XRCC4: variants seen among roughly 807,000 people sequenced by gnomAD.
The protein encoded by XRCC4 is DNA repair protein XRCC4.
Under a neutral mutation model 39.1 loss-of-function variants are expected in XRCC4, and 28 were observed. That is an observed-to-expected ratio of 0.72 (90% CI 0.53 to 0.98). The LOEUF (loss-of-function observed/expected upper bound fraction) is 0.98. XRCC4 is among the 50% of genes least tolerant of loss of function. The pLI is 0.00. For synonymous variants in XRCC4, 123 were observed against 126.4 expected, an observed-to-expected ratio of 0.97 and a Z score of 0.18; for missense variants, 350 against 376.4, an observed-to-expected ratio of 0.93 and a Z score of 0.58.
At chr5:83,237,296 C>T (rs528324535) in intron 6 of XRCC4, among the ~76,000 whole-genome samples, 1 of 152,182 alleles carries the variant, frequency 6.6e-6, no homozygotes, top group East Asian at 1.9e-4. Context: ...ATAGCCAACA[C>T]ATATATCCAA....
chr5:83,080,455 G>T (rs1744883464), intron 1 of XRCC4, among the ~76,000 whole-genome samples: 1 of 152,086 alleles, frequency 6.6e-6, no homozygotes, highest in Non-Finnish European at 1.5e-5. Flanking sequence ...GAACCCGGGA[G>T]GTGGAGGCTG....
In XRCC4 at chr5:83,271,390, A is replaced by G. The variant is rs190146787; in HGVS notation, c.893+12713A>G. On this transcript the variant is annotated intron_variant, in intron 7 of 7. Coordinates refer to ENST00000396027, the MANE Select transcript of XRCC4 (RefSeq NM_003401.5). ...AATAATAATGTCAATCTAAAATAGCATAAAGTCATTCTTATTTTTGTGTTT... is the reference window on the plus strand; with the variant it reads ...AATAATAATGTCAATCTAAAATAGCGTAAAGTCATTCTTATTTTTGTGTTT... 3.7e-3 allele frequency among the ~76,000 whole-genome samples: 571 copies of G among 152,334 alleles called. 1 individual carries two copies. The highest frequency in any genetic ancestry group is 7.1e-3 in the Non-Finnish European group (481 of 68,024).
At chr5:83,166,303 TAGAA>T (rs1484695821) in intron 3 of XRCC4, among the ~76,000 whole-genome samples, 2 of 152,198 alleles carry the variant, frequency 1.3e-5, no homozygotes, top group Non-Finnish European at 2.9e-5. Context: ...GTCTTTATAA[TAGAA>T]AGATTCATAT....
chr5:83,114,786 CCTTTA>C (rs1218844287), intron 3 of XRCC4, among the ~76,000 whole-genome samples: 1 of 152,164 alleles, frequency 6.6e-6, no homozygotes, highest in African/African-American at 2.4e-5. Flanking sequence ...TTTTCGGGTA[CCTTTA>C]TAGCAGCACT....
chr5:83,329,547 T>C (rs1172288912), intron 7 of XRCC4, among the ~76,000 whole-genome samples: 1 of 152,130 alleles, frequency 6.6e-6, no homozygotes, highest in Admixed American at 6.6e-5. Context: ...AAAACACTTA[T>C]TAATTTTAAA....
At chr5:83,121,251 C>G (rs1213881811) in intron 3 of XRCC4, among the ~76,000 whole-genome samples, 1 of 152,084 alleles carries the variant, frequency 6.6e-6, no homozygotes, top group African/African-American at 2.4e-5. Flanking sequence ...CTGCTATGAA[C>G]ATTTAAATCT....
At chr5:83,185,375 AAACAAC>A (rs1349058568) in intron 3 of XRCC4, among the ~76,000 whole-genome samples, 7 of 150,730 alleles carry the variant, frequency 4.6e-5, no homozygotes, top group Non-Finnish European at 7.4e-5. Context: ...TAAAAAAAAA[AAACAAC>A]ACTTTATTAA....
At chr5:83,239,722 G>A (rs1185581846) in intron 6 of XRCC4, among the ~76,000 whole-genome samples, 2 of 151,972 alleles carry the variant, frequency 1.3e-5, no homozygotes, top group African/African-American at 2.4e-5. Flanking sequence ...CCAGCTACTC[G>A]GGAGGCTGAG....
intron 3 of XRCC4, among the ~76,000 whole-genome samples, chr5:83,159,607 GTCT>G (rs1343347052): frequency 6.6e-6 from 1 of 152,154 alleles, no homozygotes; most frequent in African/African-American, 2.4e-5. Context: ...CACATGACCT[GTCT>G]TCTTATACGG....
intron 7 of XRCC4, among the ~76,000 whole-genome samples, chr5:83,303,671 T>TGTA (rs999318630): frequency 1.3e-5 from 2 of 152,098 alleles, no homozygotes; most frequent in Non-Finnish European, 2.9e-5. Context: ...TACTGTATAA[T>TGTA]GTAGTAAAAA....
At position 83,137,007 on chromosome 5, in the gene XRCC4, G is replaced by A. The variant is rs931385974; in HGVS notation, c.315+25804G>A. 3.3e-5 allele frequency among the ~76,000 whole-genome samples: 5 copies of A among 152,106 alleles called. No individual in the cohort carries two copies. The South Asian group carries it at 8.3e-4, about 25-fold the overall frequency. On this transcript the variant is annotated intron_variant, in intron 3 of 7. Transcript: ENST00000396027. ...GTGATAGATGTTAATTAGCTTGATTGTGGTGATTATTTCACATTGTAGACA... is the reference window on the plus strand; with the variant it reads ...GTGATAGATGTTAATTAGCTTGATTATGGTGATTATTTCACATTGTAGACA...
At chr5:83,226,256 G>A (rs532505897) in intron 6 of XRCC4, among the ~76,000 whole-genome samples, 1 of 151,996 alleles carries the variant, frequency 6.6e-6, no homozygotes, top group Non-Finnish European at 1.5e-5. Flanking sequence ...TTTCTAGGCT[G>A]GCAGCAGTTT....
At chr5:83,150,710 C>T (rs1171956311) in intron 3 of XRCC4, among the ~76,000 whole-genome samples, 1 of 152,022 alleles carries the variant, frequency 6.6e-6, no homozygotes, top group African/African-American at 2.4e-5. Flanking sequence ...TGTATCCTAG[C>T]CTTTTTGAAA....
intron 2 of XRCC4, among the ~76,000 whole-genome samples, chr5:83,105,676 G>A (rs1035390504): frequency 1.2e-4 from 18 of 151,952 alleles, no homozygotes; most frequent in Admixed American, 3.3e-4. Flanking sequence ...AAAATATGTA[G>A]CCTTATATTT....
intron 7 of XRCC4, among the ~76,000 whole-genome samples, chr5:83,288,622 G>T (rs2112971309): frequency 6.6e-6 from 1 of 151,664 alleles, no homozygotes; most frequent in East Asian, 1.9e-4. Context: ...CTCTCTTTTT[G>T]TTTACATGGC....
At chr5:83,119,998 CAAA>C (rs367806953) in intron 3 of XRCC4, among the ~76,000 whole-genome samples, 2 of 62,106 alleles carry the variant, frequency 3.2e-5, no homozygotes, top group Admixed American at 1.7e-4. Context: ...CCTTGTCTCA[CAAA>C]AAAAAAAAAA....
At chr5:83,346,813 C>A (rs945843049) in intron 7 of XRCC4, among the ~76,000 whole-genome samples, 1 of 151,982 alleles carries the variant, frequency 6.6e-6, no homozygotes, top group Non-Finnish European at 1.5e-5. Context: ...AAAAGTAAGT[C>A]CTTGTGGAAG....
chr5:83,361,677 C>G, the XRCC4 span, among the ~76,000 whole-genome samples: 2 of 150,426 alleles, frequency 1.3e-5, no homozygotes, highest in African/African-American at 4.9e-5. Context: ...GGCTGGAGTG[C>G]AATGCCATGA....
At chr5:83,246,622 G>A (rs1047217736) in intron 6 of XRCC4, among the ~76,000 whole-genome samples, 2 of 152,022 alleles carry the variant, frequency 1.3e-5, no homozygotes, top group African/African-American at 4.8e-5. Context: ...CTAAATGTCA[G>A]TTTATTATGG....
Sources: gnomAD v4.1 joint callset for allele counts (sites outside exome capture counted in the v4.1 genomes callset) on GRCh38, gnomAD v4.1.1 for gene constraint, MANE v1.5 for transcripts, NCBI Gene and HGNC (gene_info 2026-07-23, HGNC 2026-07-21) for gene names.